Variants in UVRAG observed in about 807,000 individuals in gnomAD.
UVRAG encodes the protein UV radiation resistance-associated gene protein.
In UVRAG, 19 loss-of-function variants were observed where a neutral mutation model predicts 78.0. The ratio of observed to expected loss-of-function variants is 0.24; its 90% CI spans 0.17 to 0.36. The LOEUF (loss-of-function observed/expected upper bound fraction) is 0.36, where lower values mean the gene tolerates loss of function less well. Among genes scored for constraint, UVRAG ranks in the 10% least tolerant of loss-of-function variants. The pLI is 1.00. For synonymous variants in UVRAG, 323 were observed against 324.6 expected (o/e 1.00, Z 0.05); for missense variants, 740 against 853.8 (o/e 0.87, Z 1.66).
intron 2 of UVRAG, among the ~76,000 whole-genome samples, chr11:75,852,573 G>T (rs959907536): frequency 6.6e-6 from 1 of 152,122 alleles, no homozygotes; most frequent in African/African-American, 2.4e-5. Context: ...GTTGGCTTAG[G>T]TGGGATGGTG....
At chr11:76,106,402 G>T (rs1170864575) in intron 13 of UVRAG, among the ~76,000 whole-genome samples, 1 of 151,826 alleles carries the variant, frequency 6.6e-6, no homozygotes, top group Non-Finnish European at 1.5e-5. Context: ...ATCCCGCTCT[G>T]TTGCCCAGAC....
At position 76,038,484 on chromosome 11, in the gene UVRAG, T is replaced by C. The variant is rs535732688; in HGVS notation, c.1226+21504T>C. Among the ~76,000 whole-genome samples the C allele has an allele frequency of 1.2e-4, 19 of 152,352 alleles. No individual in the cohort carries two copies. In the South Asian group the frequency reaches 3.5e-3, roughly 28 times the overall value. Reference sequence around the variant, plus strand: ...GATAATTTGAAGTATACAGGACTTATGTACATAAGTTATATTTGTAGGTTA... The same window carrying C: ...GATAATTTGAAGTATACAGGACTTACGTACATAAGTTATATTTGTAGGTTA... On this transcript the variant is annotated intron_variant, in intron 12 of 14. Transcript: ENST00000356136.
At chr11:76,049,101 C>T (rs1950816277) in intron 12 of UVRAG, among the ~76,000 whole-genome samples, 2 of 152,340 alleles carry the variant, frequency 1.3e-5, no homozygotes, top group East Asian at 1.9e-4. Flanking sequence ...ATAAATGTAA[C>T]ACTAACCCTG....
intron 12 of UVRAG, among the ~76,000 whole-genome samples, chr11:76,044,778 A>G (rs1950714841): frequency 6.6e-6 from 1 of 152,198 alleles, no homozygotes; most frequent in African/African-American, 2.4e-5. Context: ...CATCTCCTAA[A>G]AAAAAGAAAA....
chr11:75,885,706 A>G (rs1773402759), intron 4 of UVRAG, among the ~76,000 whole-genome samples: 1 of 152,166 alleles, frequency 6.6e-6, no homozygotes, highest in African/African-American at 2.4e-5. Context: ...TTAACCTATA[A>G]TTGATAAGTA....
At chr11:76,073,464 C>G (rs1348356220) in intron 13 of UVRAG, among the ~76,000 whole-genome samples, 1 of 152,122 alleles carries the variant, frequency 6.6e-6, no homozygotes, top group African/African-American at 2.4e-5. Context: ...AATTAGAATT[C>G]CAGATCGCTT....
intron 6 of UVRAG, among the ~76,000 whole-genome samples, chr11:75,939,117 G>T (rs1948434936): frequency 6.6e-6 from 1 of 151,828 alleles, no homozygotes. Context: ...TATTTCAGGT[G>T]GGATTAAATG....
At chr11:76,001,490 A>G (rs1949813155) in intron 8 of UVRAG, among the ~76,000 whole-genome samples, 1 of 152,240 alleles carries the variant, frequency 6.6e-6, no homozygotes, top group Admixed American at 6.5e-5. Flanking sequence ...GAAAGAGTAG[A>G]GGATATCAAT....
intron 1 of UVRAG, chr11:75,839,036 T>C (rs929382450): frequency 6.6e-6 from 1 of 152,224 alleles, no homozygotes; most frequent in Non-Finnish European, 1.5e-5. Flanking sequence ...TGTTATCAGA[T>C]TTTTTGGTCT....
chr11:75,976,208 G>A (rs1309561550), intron 7 of UVRAG, among the ~76,000 whole-genome samples: 1 of 152,146 alleles, frequency 6.6e-6, no homozygotes, highest in East Asian at 1.9e-4. Flanking sequence ...TGCATCCCAG[G>A]GATGAAGCCC....
rs541261894 is a variant in UVRAG, at chr11:76,030,302, G to C, written c.1226+13322G>C. On this transcript the variant is annotated intron_variant, in intron 12 of 14. Transcript: ENST00000356136. ...TCTCTCTCACCCTCCCAAAATGCTGGGATTACAGCTGTGAGCCACAACACC... is the reference window on the plus strand; with the variant it reads ...TCTCTCTCACCCTCCCAAAATGCTGCGATTACAGCTGTGAGCCACAACACC... 3.3e-5 allele frequency among the ~76,000 whole-genome samples: 5 copies of C among 152,118 alleles called. No individual in the cohort carries two copies. In the South Asian group the frequency reaches 6.2e-4, roughly 19 times the overall value.
chr11:75,952,888 G>T (rs560313135), intron 6 of UVRAG, among the ~76,000 whole-genome samples: 1 of 152,060 alleles, frequency 6.6e-6, no homozygotes, highest in Non-Finnish European at 1.5e-5. Context: ...TGAGCCTAGA[G>T]TTTCCTATGT....
chr11:76,106,278 G>C (rs921936160), intron 13 of UVRAG, among the ~76,000 whole-genome samples: 1 of 152,076 alleles, frequency 6.6e-6, no homozygotes, highest in African/African-American at 2.4e-5. Context: ...CTGGAAAACT[G>C]TCTCTGTTCT....
intron 13 of UVRAG, among the ~76,000 whole-genome samples, chr11:76,079,944 A>G (rs1481193043): frequency 1.3e-5 from 2 of 152,158 alleles, no homozygotes; most frequent in East Asian, 1.9e-4. Flanking sequence ...TAAAGAAAAG[A>G]GATTTGTTTG....
intron 1 of UVRAG, among the ~76,000 whole-genome samples, chr11:75,817,770 G>A (rs571975945): frequency 6.6e-5 from 10 of 151,878 alleles, no homozygotes; most frequent in Non-Finnish European, 1.3e-4. Flanking sequence ...TTGGCTGGGC[G>A]CAGTGGCTCA....
At chr11:75,832,022 C>T (rs892524592) in intron 1 of UVRAG, among the ~76,000 whole-genome samples, 7 of 152,132 alleles carry the variant, frequency 4.6e-5, no homozygotes, top group Admixed American at 2.6e-4. Context: ...ACTCCATGTA[C>T]GATTTCTACT....
intron 2 of UVRAG, among the ~76,000 whole-genome samples, chr11:75,860,534 G>A (rs1049425514): frequency 2.0e-5 from 3 of 151,972 alleles, no homozygotes; most frequent in South Asian, 2.1e-4. Context: ...TGTATGGTGC[G>A]TGTATGTTAG....
intron 12 of UVRAG, among the ~76,000 whole-genome samples, chr11:76,034,068 A>G (rs1950484413): frequency 6.6e-6 from 1 of 152,148 alleles, no homozygotes; most frequent in East Asian, 1.9e-4. Flanking sequence ...TTTAAACCTT[A>G]TATCTTAGTT....
At chr11:75,949,714 T>TATATATACACAC (rs59607906) in intron 6 of UVRAG, among the ~76,000 whole-genome samples, 28 of 136,872 alleles carry the variant, frequency 2.0e-4, no homozygotes, top group African/African-American at 7.8e-4. Flanking sequence ...TATATATATA[T>TATATATACACAC]ACACACACAC....
Sources: gnomAD v4.1 joint callset for allele counts (sites outside exome capture counted in the v4.1 genomes callset) on GRCh38, gnomAD v4.1.1 for gene constraint, MANE v1.5 for transcripts, NCBI Gene and HGNC (gene_info 2026-07-23, HGNC 2026-07-21) for gene names.